Variants in ZSWIM9 observed in about 807,000 individuals in gnomAD.
ZSWIM9 encodes uncharacterized protein ZSWIM9.
Under a neutral mutation model 25.0 loss-of-function variants are expected in ZSWIM9, and 11 were observed. The ratio of observed to expected loss-of-function variants is 0.44; its 90% CI spans 0.28 to 0.73. ZSWIM9 has a LOEUF of 0.73. ZSWIM9 is among the 30% of genes least tolerant of loss of function. The pLI, the probability that ZSWIM9 is intolerant of heterozygous loss-of-function variation, is 0.16. For missense variants in ZSWIM9, 1,070 were observed against 1,296.5 expected, an observed-to-expected ratio of 0.83 and a Z score of 2.68; for synonymous variants, 562 against 582.1, an observed-to-expected ratio of 0.97 and a Z score of 0.50.
At chr19:48,173,924 G>A (rs542510517) in intron 2 of ZSWIM9, among the ~76,000 whole-genome samples, 7 of 152,142 alleles carry the variant, frequency 4.6e-5, no homozygotes, top group Non-Finnish European at 8.8e-5. Flanking sequence ...CACGGTGCCT[G>A]GTCTGACCCC....
At position 48,182,529 on chromosome 19, in the gene ZSWIM9, A is replaced by G. The variant is rs1217820852; in HGVS notation, c.350A>G (p.Glu117Gly). ...CTGCGGGACCGCCTCGTGGTGACGGAGTGCCAGCTGACCCACTCACACCCG... is the reference window on the plus strand; with the variant it reads ...CTGCGGGACCGCCTCGTGGTGACGGGGTGCCAGCTGACCCACTCACACCCG... ...SPLRDRLVVT[E>G]CQLTHSHPAC... The change falls in exon 3 of 4, where the codon GAG becomes GGG. Residue 117 changes from glutamate to glycine, a missense_variant. By Grantham distance (98) the Glu-to-Gly change is moderately conservative (BLOSUM62 -2). Coordinates refer to ENST00000614654, the MANE Select transcript of ZSWIM9 (RefSeq NM_199341.4). This position sits in a 1 kb window ranked among gnomAD's most constrained non-coding sequence, Gnocchi z 4.6. 6.5e-7 allele frequency: 1 copy of G among 1,535,782 alleles called. No homozygotes were observed. The highest frequency in any genetic ancestry group is 8.7e-7 in the Non-Finnish European group (1 of 1,146,780).
At position 48,197,187 on chromosome 19, in the gene ZSWIM9, G is replaced by T. The variant is rs1228358853; in HGVS notation, c.*360G>T. 1 of 701,144 alleles carries T rather than the reference G, an allele frequency of 1.4e-6. No homozygotes were observed. The highest frequency in any genetic ancestry group is 2.7e-5 in the East Asian group (1 of 37,222). The allele number at this position is 701,144 out of a possible 1,614,324, so 43.4% of individuals were successfully genotyped here. A position where few individuals can be genotyped will look rare whatever the true frequency, so the allele number is the denominator to read the frequency against. ...GAAGCGATCATATGGGGAGTGTCTG[G>T]CAAGAGTAGACTGGCCAGTCTAGGG... On this transcript the variant is annotated 3_prime_UTR_variant, in exon 4 of 4. Transcript: ENST00000614654.
In ZSWIM9 at chr19:48,194,633, C is replaced by A; in HGVS notation, c.589-20C>A. The A allele has an allele frequency of 7.1e-7, 1 of 1,412,212 alleles. No individual in the cohort carries two copies. The highest frequency in any genetic ancestry group is 1.5e-5 in the South Asian group (1 of 66,656). The allele number at this position is 1,412,212 out of a possible 1,614,324, so 87.5% of individuals were successfully genotyped here. A position where few individuals can be genotyped will look rare whatever the true frequency, so the allele number is the denominator to read the frequency against. ...AGCATCCTCTGACCTCTTTCCTTGC[C>A]TCCCTGCCCCCGCCCGCAGGTGAAG... On this transcript the variant is annotated intron_variant, in intron 3 of 3. Coordinates refer to ENST00000614654, the MANE Select transcript of ZSWIM9 (RefSeq NM_199341.4). The surrounding 1 kb of genome is among the most constrained non-coding windows in gnomAD (Gnocchi z 6.0).
intron 2 of ZSWIM9, among the ~76,000 whole-genome samples, chr19:48,180,527 CTTTCCCTT>C (rs2036936863): frequency 6.6e-6 from 1 of 152,100 alleles, no homozygotes; most frequent in South Asian, 2.1e-4. Context: ...TTACTTCCCT[CTTTCCCTT>C]ATAAGAACCT....
intron 2 of ZSWIM9, among the ~76,000 whole-genome samples, chr19:48,178,735 C>T (rs2036919120): frequency 6.6e-6 from 1 of 152,140 alleles, no homozygotes; most frequent in Non-Finnish European, 1.5e-5. Flanking sequence ...GCCACCGCAC[C>T]TGGCTAATTT....
Position 48,194,224 on chromosome 19 carries a change from T to C in ZSWIM9, c.589-429T>C, listed in dbSNP as rs1200333303. Among the ~76,000 whole-genome samples the C allele has an allele frequency of 6.6e-6, 1 of 152,090 alleles. No homozygotes were observed. Among genetic ancestry groups the C allele is most frequent in the African/African-American group, 2.4e-5 (1 of 41,414 alleles). ...CCCGCCCCCAGAGTTTCAGACTCAG[T>C]GGGTCTGAGGTGGCCCCGAGAAGGT... On this transcript the variant is annotated intron_variant, in intron 3 of 3. Transcript: ENST00000614654. This position sits in a 1 kb window ranked among gnomAD's most constrained non-coding sequence, Gnocchi z 6.0.
chr19:48,192,365 G>A (rs1335669861), intron 3 of ZSWIM9, among the ~76,000 whole-genome samples: 1 of 142,998 alleles, frequency 7.0e-6, no homozygotes, highest in African/African-American at 2.6e-5. Flanking sequence ...AGGAAGAATC[G>A]CTTGAACCCG....
chr19:48,183,778 A>G (rs750659442), intron 3 of ZSWIM9, among the ~76,000 whole-genome samples: 3 of 145,798 alleles, frequency 2.1e-5, no homozygotes, highest in Non-Finnish European at 4.5e-5. Context: ...CTGGGACAAC[A>G]GGCGTGCACC....
rs2007183 is a variant in ZSWIM9, at chr19:48,182,841, G to T, written c.588+74G>T. 139,255 of 1,021,370 alleles carry T rather than the reference G, an allele frequency of 0.14. 10,429 individuals are homozygous for T. The highest frequency in any genetic ancestry group is 0.31 in the African/African-American group (19,488 of 62,680). 63.3% of individuals were successfully genotyped at this position (1,021,370 alleles called of 1,614,324 possible). On this transcript the variant is annotated intron_variant, in intron 3 of 3. Transcript: ENST00000614654. The surrounding 1 kb of genome is among the most constrained non-coding windows in gnomAD (Gnocchi z 4.6). Reference sequence around the variant, plus strand: ...CGCTGAAGACTCGTGGGTCATTCATGCCTTCATCCGCCCTCTCATCCCTTC... The same window carrying T: ...CGCTGAAGACTCGTGGGTCATTCATTCCTTCATCCGCCCTCTCATCCCTTC...
At position 48,194,594 on chromosome 19, in the gene ZSWIM9, G is replaced by A. The variant is rs2037134366; in HGVS notation, c.589-59G>A. On this transcript the variant is annotated intron_variant, in intron 3 of 3. Coordinates refer to ENST00000614654, the MANE Select transcript of ZSWIM9 (RefSeq NM_199341.4). The surrounding 1 kb of genome is among the most constrained non-coding windows in gnomAD (Gnocchi z 6.0). ...AGGGGAAACCGAGGTCGGGGAGCTG[G>A]GCGGGGAGACCCCAGCATCCTCTGA... The A allele has an allele frequency of 3.0e-6, 4 of 1,352,698 alleles. No individual in the cohort carries two copies. In the African/African-American group the frequency reaches 6.1e-5, roughly 21 times the overall value. 83.8% of individuals were successfully genotyped at this position (1,352,698 alleles called of 1,614,324 possible).
Position 48,194,943 on chromosome 19 carries a change from C to A in ZSWIM9, c.879C>A (p.Thr293=). 1 of 1,323,352 alleles carries A rather than the reference C, an allele frequency of 7.6e-7. No individual in the cohort carries two copies. Among genetic ancestry groups the A allele is most frequent in the South Asian group, 1.6e-5 (1 of 60,840 alleles). The allele number at this position is 1,323,352 out of a possible 1,614,324, so 82.0% of individuals were successfully genotyped here. ...TCAAGGGCCGCGTGCGCTGCCTCAC[C>A]GCCGGGCCCGAGGTGGCGGCGCAGT... ...PDVKGRVRCL[T]AGPEVAAQLP... The change falls in exon 4 of 4, where the codon ACC becomes ACA. Residue 293 remains threonine, a synonymous_variant. Transcript: ENST00000614654. The surrounding 1 kb of genome is among the most constrained non-coding windows in gnomAD (Gnocchi z 6.0).
At chr19:48,187,936 T>TTAAA (rs1335802877) in intron 3 of ZSWIM9, among the ~76,000 whole-genome samples, 1 of 130,106 alleles carries the variant, frequency 7.7e-6, no homozygotes, top group South Asian at 2.5e-4. Context: ...GTGAGACCCT[T>TTAAA]TAAATAGATA....
At chr19:48,172,117 GAGCACC>G in intron 2 of ZSWIM9, 40 bp downstream of exon 2, 1 of 1,162,446 alleles carries the variant, frequency 8.6e-7, no homozygotes. Context: ...GGGGGAAGGG[GAGCACC>G]GGGGGTGGGT....
At chr19:48,173,412 C>T (rs1003315535) in intron 2 of ZSWIM9, among the ~76,000 whole-genome samples, 1 of 152,190 alleles carries the variant, frequency 6.6e-6, no homozygotes, top group East Asian at 1.9e-4. Flanking sequence ...GATTCCCCCA[C>T]CTCAGCCTCC....
At chr19:48,184,316 C>T (rs1447690497) in intron 3 of ZSWIM9, among the ~76,000 whole-genome samples, 1 of 152,102 alleles carries the variant, frequency 6.6e-6, no homozygotes, top group East Asian at 1.9e-4. Flanking sequence ...GAGGCACGAG[C>T]AAGCTTGTGT....
At chr19:48,171,424 G>T (rs928964348) in intron 1 of ZSWIM9, 2 of 978,878 alleles carry the variant, frequency 2.0e-6, no homozygotes, top group Non-Finnish European at 2.4e-6. Context: ...AGGGGAGGAG[G>T]TTTTAGCTGG....
chr19:48,195,405 C>A lies in ZSWIM9; in HGVS notation c.1341C>A (p.Pro447=), dbSNP rs1599938395. The A allele has an allele frequency of 1.4e-6, 2 of 1,467,310 alleles. No individual in the cohort carries two copies. Among genetic ancestry groups the A allele is most frequent in the Non-Finnish European group, 1.8e-6 (2 of 1,119,320 alleles). The allele number at this position is 1,467,310 out of a possible 1,614,324, so 90.9% of individuals were successfully genotyped here. A position where few individuals can be genotyped will look rare whatever the true frequency, so the allele number is the denominator to read the frequency against. Residue 447 remains proline, a synonymous_variant, in exon 4 of 4, where the codon CCC becomes CCA. Coordinates refer to ENST00000614654, the MANE Select transcript of ZSWIM9 (RefSeq NM_199341.4). The surrounding 1 kb of genome is among the most constrained non-coding windows in gnomAD (Gnocchi z 5.8). The part of the protein sequence containing the change: ...DAAGEAVPEG[P]DGGGPWLEDE... ...CCGGGGAGGCGGTGCCCGAGGGGCC[C>A]GATGGCGGGGGGCCTTGGCTGGAGG...
At chr19:48,173,002 G>C (rs2036856522) in intron 2 of ZSWIM9, among the ~76,000 whole-genome samples, 1 of 152,160 alleles carries the variant, frequency 6.6e-6, no homozygotes, top group Non-Finnish European at 1.5e-5. Flanking sequence ...GAGACTGGGA[G>C]ACTGAACTGC....
rs772198303 is a variant in ZSWIM9, at chr19:48,197,278, G to GA, written c.*457dup. 18 of 701,892 alleles carry GA rather than the reference G, an allele frequency of 2.6e-5. No homozygotes were observed. The highest frequency in any genetic ancestry group is 1.5e-4 in the South Asian group (10 of 67,530). The allele number at this position is 701,892 out of a possible 1,614,324, so 43.5% of individuals were successfully genotyped here. On this transcript the variant is annotated 3_prime_UTR_variant, in exon 4 of 4. Transcript: ENST00000614654. ...CAGATGAAGGAGAGGAGGTAAGCGA[G>GA]AAAAAATGGAAAGGGGAGCCGGAAA...
Sources: allele counts gnomAD v4.1 joint callset (sites outside exome capture counted in the v4.1 genomes callset), GRCh38; gene constraint gnomAD v4.1.1; non-coding constraint Gnocchi (gnomAD v3.1); transcripts MANE v1.5; gene names NCBI Gene and HGNC (gene_info 2026-07-23, HGNC 2026-07-21).